ZNF362: variants seen among roughly 807,000 people sequenced by gnomAD.
ZNF362 encodes the protein rotund homolog.
ZNF362 carries 11 observed loss-of-function variants against 42.9 expected under a neutral mutation model. The ratio of observed to expected loss-of-function variants is 0.26; its 90% CI spans 0.16 to 0.42. ZNF362 has a LOEUF of 0.42. ZNF362 is among the 20% of genes least tolerant of loss of function. The probability of loss-of-function intolerance (pLI) is 1.00; values close to 1 mark genes in which losing one functional copy is unlikely to be tolerated. For missense variants in ZNF362, 362 were observed against 576.2 expected (o/e 0.63, Z 3.81); for synonymous variants, 255 against 257.3 (o/e 0.99, Z 0.09).
chr1:33,185,899 T>C, the ZNF362 span, among the ~76,000 whole-genome samples: 1 of 152,306 alleles, frequency 6.6e-6, no homozygotes, highest in African/African-American at 2.4e-5. Context: ...TAACAAAAAT[T>C]CTATAGAACT....
the ZNF362 span, among the ~76,000 whole-genome samples, chr1:33,219,287 T>A: frequency 6.6e-6 from 1 of 152,170 alleles, no homozygotes; most frequent in Admixed American, 6.5e-5. Flanking sequence ...CGGTTGGCGC[T>A]CAGTGAGTGT....
chr1:33,265,168 G>A (rs1444381747), intron 1 of ZNF362, among the ~76,000 whole-genome samples: 1 of 151,766 alleles, frequency 6.6e-6, no homozygotes, highest in African/African-American at 2.4e-5. Context: ...GGAGGGGGAT[G>A]TGCTCCAAGC....
At chr1:33,189,946 A>G in the ZNF362 span, among the ~76,000 whole-genome samples, 1 of 152,006 alleles carries the variant, frequency 6.6e-6, no homozygotes, top group South Asian at 2.1e-4. Context: ...TCCATTTATC[A>G]TCTTGCCTCC....
At chr1:33,182,485 G>A in the ZNF362 span, among the ~76,000 whole-genome samples, 1 of 152,194 alleles carries the variant, frequency 6.6e-6, no homozygotes, top group Non-Finnish European at 1.5e-5. Context: ...AAGCCCTGGG[G>A]TCCCATTTCC....
At chr1:33,201,242 C>G in the ZNF362 span, among the ~76,000 whole-genome samples, 70 of 152,114 alleles carry the variant, frequency 4.6e-4, no homozygotes, top group Non-Finnish European at 5.6e-4. Flanking sequence ...AAAGAGTAGG[C>G]ATAGATCAGT....
At chr1:33,152,594 C>T in the ZNF362 span, among the ~76,000 whole-genome samples, 1 of 148,938 alleles carries the variant, frequency 6.7e-6, no homozygotes. Context: ...AAAAAAAAGA[C>T]TGGGGACCAT....
chr1:33,279,347 T>C (rs1182249018), intron 4 of ZNF362, among the ~76,000 whole-genome samples: 4 of 152,228 alleles, frequency 2.6e-5, no homozygotes, highest in Non-Finnish European at 5.9e-5. Flanking sequence ...TAATGGCTGT[T>C]GCCAGACTAC....
chr1:33,155,425 A>T, the ZNF362 span, among the ~76,000 whole-genome samples: 1 of 151,930 alleles, frequency 6.6e-6, no homozygotes. Flanking sequence ...GGAACAGAAG[A>T]ATGAATCCAG....
intron 1 of ZNF362, among the ~76,000 whole-genome samples, chr1:33,264,771 G>A (rs1402977208): frequency 6.6e-6 from 1 of 152,000 alleles, no homozygotes; most frequent in African/African-American, 2.4e-5. Flanking sequence ...CATGGTCTTG[G>A]GCAGGTTAGT....
the ZNF362 span, among the ~76,000 whole-genome samples, chr1:33,132,555 C>T: frequency 1.3e-5 from 2 of 152,298 alleles, no homozygotes; most frequent in Admixed American, 1.3e-4. Context: ...AGTTCAGATG[C>T]CACTTCTTGG....
At chr1:33,201,455 A>G in the ZNF362 span, among the ~76,000 whole-genome samples, 5 of 152,238 alleles carry the variant, frequency 3.3e-5, no homozygotes, top group Non-Finnish European at 5.9e-5. Flanking sequence ...CCTGACAACA[A>G]TGAAATAAAA....
the ZNF362 span, among the ~76,000 whole-genome samples, chr1:33,224,417 A>T: frequency 2.0e-4 from 31 of 152,344 alleles, no homozygotes; most frequent in South Asian, 5.8e-3. Flanking sequence ...GGATGCAAAA[A>T]TACAAATAAC....
the ZNF362 span, among the ~76,000 whole-genome samples, chr1:33,250,830 A>G: frequency 1.4e-5 from 2 of 146,968 alleles, no homozygotes; most frequent in Non-Finnish European, 3.0e-5. Flanking sequence ...AGAAGAAGAA[A>G]AGAAGAAGAA....
the ZNF362 span, among the ~76,000 whole-genome samples, chr1:33,224,596 A>T: frequency 6.6e-6 from 1 of 152,226 alleles, no homozygotes; most frequent in African/African-American, 2.4e-5. Flanking sequence ...AATTATGTAT[A>T]ATTTGAAGAG....
intron 2 of ZNF362, among the ~76,000 whole-genome samples, chr1:33,271,757 CTGTG>C (rs1299784019): frequency 2.0e-5 from 3 of 150,384 alleles, no homozygotes; most frequent in Non-Finnish European, 4.4e-5. Flanking sequence ...TGGTAGATCA[CTGTG>C]TGTCTGCAGG....
the ZNF362 span, among the ~76,000 whole-genome samples, chr1:33,173,423 G>A: frequency 6.6e-6 from 1 of 152,118 alleles, no homozygotes; most frequent in Non-Finnish European, 1.5e-5. Context: ...GTGTGCGCAT[G>A]CATGTGTATG....
rs1396729551 is a variant in ZNF362 at position 33,266,631 on chromosome 1, G to T, written c.-88-3856G>T. The stretch of plus-strand genomic sequence containing the variant: ...CCAGACCAAGCCCTGCTTTTGGGGA[G>T]CCCACAGCCTACATGGGGGACTGGA... On this transcript the variant is annotated intron_variant, in intron 1 of 8. Transcript: ENST00000539719. This position sits in a 1 kb window ranked among gnomAD's most constrained non-coding sequence, Gnocchi z 4.3. Among the ~76,000 whole-genome samples the T allele has an allele frequency of 6.6e-6, 1 of 152,182 alleles. No homozygotes were observed. The highest frequency in any genetic ancestry group is 2.4e-5 in the African/African-American group (1 of 41,456).
At chr1:33,232,624 T>G in the ZNF362 span, among the ~76,000 whole-genome samples, 205 of 152,254 alleles carry the variant, frequency 1.3e-3, 6 homozygotes, top group African/African-American at 4.3e-3. Flanking sequence ...GCTGCATTCA[T>G]CTAGTTAGCA....
chr1:33,256,172 TGGCGGC>T (rs535478080), upstream of ZNF362, among the ~76,000 whole-genome samples: 5 of 145,594 alleles, frequency 3.4e-5, no homozygotes, highest in South Asian at 2.1e-4. Context: ...TGCCAGGCGG[TGGCGGC>T]GGCGGCGGCG....
Sources: gnomAD v4.1 joint callset for allele counts (sites outside exome capture counted in the v4.1 genomes callset) on GRCh38, gnomAD v4.1.1 for gene constraint, Gnocchi (gnomAD v3.1) non-coding constraint, MANE v1.5 for transcripts, NCBI Gene and HGNC (gene_info 2026-07-23, HGNC 2026-07-21) for gene names.